Variants in CYB5B observed in about 807,000 individuals in gnomAD.
CYB5B encodes cytochrome b5 type B (outer mitochondrial membrane).
In CYB5B, 14 loss-of-function variants were observed where a neutral mutation model predicts 21.3. That is an observed-to-expected ratio of 0.66 (90% CI 0.43 to 1.03). The LOEUF (loss-of-function observed/expected upper bound fraction) is 1.03. Among genes scored for constraint, CYB5B ranks in the 50% least tolerant of loss-of-function variants. The probability of loss-of-function intolerance (pLI) is 0.00; values close to 1 mark genes in which losing one functional copy is unlikely to be tolerated. For missense variants in CYB5B, 166 were observed against 185.1 expected, an observed-to-expected ratio of 0.90 and a Z score of 0.60; for synonymous variants, 69 against 68.4, an observed-to-expected ratio of 1.01 and a Z score of -0.04.
At chr16:69,425,595 GT>G (rs2014636380) in intron 1 of CYB5B, among the ~76,000 whole-genome samples, 1 of 152,062 alleles carries the variant, frequency 6.6e-6, no homozygotes, top group African/African-American at 2.4e-5. Context: ...TTATTGAGGT[GT>G]AATGTACATA....
At chr16:69,437,001 T>C (rs2014767198) in intron 1 of CYB5B, among the ~76,000 whole-genome samples, 1 of 152,212 alleles carries the variant, frequency 6.6e-6, no homozygotes, top group South Asian at 2.1e-4. Context: ...GTAAAGTAAA[T>C]GAACTTAAGG....
intron 3 of CYB5B, among the ~76,000 whole-genome samples, chr16:69,458,618 A>G (rs1193083108): frequency 6.6e-6 from 1 of 152,112 alleles, no homozygotes; most frequent in African/African-American, 2.4e-5. Flanking sequence ...GAACCAGTAT[A>G]TTTTTGTGAT....
In CYB5B at chr16:69,462,222, G is replaced by T. The variant is rs1007743762; in HGVS notation, c.363-208G>T. ...ACATCTTATTTGATATCATACTATT[G>T]GTTGTTTTTAACCTTTTAAAAAATT... On this transcript the variant is annotated intron_variant, in intron 4 of 4. Coordinates refer to ENST00000307892, the MANE Select transcript of CYB5B (RefSeq NM_030579.3). 2.0e-5 allele frequency among the ~76,000 whole-genome samples: 3 copies of T among 151,942 alleles called. No individual in the cohort carries two copies. The East Asian group carries it at 5.8e-4, about 29-fold the overall frequency.
At position 69,424,655 on chromosome 16, in the gene CYB5B, G is replaced by A; in HGVS notation, c.-29G>A. On this transcript the variant is annotated 5_prime_UTR_variant, in exon 1 of 5. Coordinates refer to ENST00000307892, the MANE Select transcript of CYB5B (RefSeq NM_030579.3). Reference sequence around the variant, plus strand: ...GCGGGCTCTCAAGGAAAGTAGTCGCGGAATCTCAGTTAGCGGTGGAGAGGC... The same window carrying A: ...GCGGGCTCTCAAGGAAAGTAGTCGCAGAATCTCAGTTAGCGGTGGAGAGGC... The A allele has an allele frequency of 1.3e-6, 2 of 1,505,604 alleles. No individual in the cohort carries two copies. The highest frequency in any genetic ancestry group is 1.8e-6 in the Non-Finnish European group (2 of 1,123,132). The allele number at this position is 1,505,604 out of a possible 1,614,324, so 93.3% of individuals were successfully genotyped here.
intron 1 of CYB5B, among the ~76,000 whole-genome samples, chr16:69,425,217 A>G (rs969692518): frequency 6.6e-6 from 1 of 152,198 alleles, no homozygotes; most frequent in African/African-American, 2.4e-5. Context: ...AGATCCGTTG[A>G]ACCTAGGTCT....
chr16:69,425,067 T>C (rs2014629235), intron 1 of CYB5B, among the ~76,000 whole-genome samples: 1 of 152,216 alleles, frequency 6.6e-6, no homozygotes, highest in African/African-American at 2.4e-5. Flanking sequence ...TGGTGCCTTA[T>C]GTAATATCAT....
At chr16:69,460,173 G>A (rs929404404) in intron 4 of CYB5B, among the ~76,000 whole-genome samples, 2 of 151,922 alleles carry the variant, frequency 1.3e-5, no homozygotes, top group Non-Finnish European at 2.9e-5. Context: ...GGTGGAGGTT[G>A]CAGTGAGCCA....
intron 3 of CYB5B, among the ~76,000 whole-genome samples, chr16:69,454,154 T>A (rs2014961486): frequency 6.6e-6 from 1 of 152,230 alleles, no homozygotes; most frequent in Non-Finnish European, 1.5e-5. Context: ...GTTAATTTTT[T>A]TTCTTGAGTG....
chr16:69,452,551 TC>T (rs986212500), intron 3 of CYB5B, among the ~76,000 whole-genome samples: 1 of 151,838 alleles, frequency 6.6e-6, no homozygotes, highest in African/African-American at 2.4e-5. Flanking sequence ...AATGGTGGTG[TC>T]CCAGCTACAT....
At chr16:69,448,059 G>T (rs1439289064) in intron 2 of CYB5B, 56 bp from the exon 3 acceptor site, 13 of 1,567,846 alleles carry the variant, frequency 8.3e-6, no homozygotes, top group Non-Finnish European at 1.1e-5. Context: ...CAAGCATATA[G>T]TGAGAATTCA....
intron 1 of CYB5B, among the ~76,000 whole-genome samples, chr16:69,425,087 A>T (rs560086861): frequency 6.6e-6 from 1 of 152,258 alleles, no homozygotes; most frequent in Non-Finnish European, 1.5e-5. Context: ...TGTATTACTT[A>T]TGTGTCGAGC....
At chr16:69,447,121 T>C in intron 1 of CYB5B, 29 bp from the exon 2 acceptor site, 1 of 1,608,522 alleles carries the variant, frequency 6.2e-7, no homozygotes, top group Middle Eastern at 1.7e-4. Flanking sequence ...CAGAGAACCC[T>C]CGGTTCAGTA....
intron 3 of CYB5B, among the ~76,000 whole-genome samples, chr16:69,455,948 G>A (rs1176131993): frequency 6.6e-6 from 1 of 152,076 alleles, no homozygotes; most frequent in Non-Finnish European, 1.5e-5. Context: ...TGAGATAATT[G>A]AATATGACTT....
rs184829877 is a variant in CYB5B, at chr16:69,446,258, A to G, written c.175-892A>G. ...ATCTCAATTTTTTAATAACTTGTGCAGGGTCACATAGCTGATAGTTATAGA... is the reference window on the plus strand; with the variant it reads ...ATCTCAATTTTTTAATAACTTGTGCGGGGTCACATAGCTGATAGTTATAGA... On this transcript the variant is annotated intron_variant, in intron 1 of 4. Transcript: ENST00000307892. Among the ~76,000 whole-genome samples, 653 of 152,338 alleles carry G rather than the reference A, an allele frequency of 4.3e-3. 6 individuals carry two copies. The highest frequency in any genetic ancestry group is 0.015 in the African/African-American group (613 of 41,580).
chr16:69,425,498 A>G (rs2014634991), intron 1 of CYB5B, among the ~76,000 whole-genome samples: 1 of 151,638 alleles, frequency 6.6e-6, no homozygotes, highest in Admixed American at 6.6e-5. Flanking sequence ...GTTGCATTAC[A>G]TCTCATTTTA....
At chr16:69,425,007 G>T in intron 1 of CYB5B, 150 bp downstream of exon 1, 17 of 773,202 alleles carry the variant, frequency 2.2e-5, no homozygotes, top group Non-Finnish European at 2.8e-5. Flanking sequence ...ACTGGGGTGG[G>T]ATTGGGGGAG....
intron 1 of CYB5B, among the ~76,000 whole-genome samples, chr16:69,425,355 GT>G (rs34105556): frequency 9.6e-5 from 13 of 134,956 alleles, no homozygotes; most frequent in African/African-American, 3.4e-4. Context: ...TGCCTCCACT[GT>G]TTTTTTTTCC....
intron 1 of CYB5B, among the ~76,000 whole-genome samples, chr16:69,425,721 T>C (rs1242238972): frequency 1.3e-5 from 2 of 152,218 alleles, no homozygotes; most frequent in Non-Finnish European, 2.9e-5. Context: ...CCCTTTGCAG[T>C]CATTCTCTCC....
intron 1 of CYB5B, among the ~76,000 whole-genome samples, chr16:69,435,012 TG>T (rs2014745835): frequency 6.6e-6 from 1 of 152,228 alleles, no homozygotes. Context: ...TATCTGGTCT[TG>T]CCCTTTGTAA....
Sources: allele counts gnomAD v4.1 joint callset (sites outside exome capture counted in the v4.1 genomes callset), GRCh38; gene constraint gnomAD v4.1.1; transcripts MANE v1.5; gene names NCBI Gene and HGNC (gene_info 2026-07-23, HGNC 2026-07-21).